Variants in LARP1B observed in about 807,000 individuals in gnomAD.
LARP1B encodes the protein la-related protein 1B.
Under a neutral mutation model 114.2 loss-of-function variants are expected in LARP1B, and 76 were observed. The ratio of observed to expected loss-of-function variants is 0.67; its 90% CI spans 0.55 to 0.81. The LOEUF (loss-of-function observed/expected upper bound fraction) is 0.81, where lower values mean the gene tolerates loss of function less well. Among genes scored for constraint, LARP1B ranks in the 30% least tolerant of loss-of-function variants. LARP1B has a pLI of 0.00. For missense variants in LARP1B, 1,014 were observed against 1,075.8 expected, an observed-to-expected ratio of 0.94 and a Z score of 0.80; for synonymous variants, 345 against 348.0, an observed-to-expected ratio of 0.99 and a Z score of 0.10.
At chr4:128,129,368 A>G (rs1275330894) in intron 11 of LARP1B, among the ~76,000 whole-genome samples, 1 of 142,358 alleles carries the variant, frequency 7.0e-6, no homozygotes, top group East Asian at 2.0e-4. Context: ...AAAAAAAGGA[A>G]TAAGTAAATA....
chr4:128,213,733 CTTT>C (rs1465973085), downstream of LARP1B, among the ~76,000 whole-genome samples: 2 of 152,166 alleles, frequency 1.3e-5, no homozygotes, highest in Admixed American at 6.5e-5. Flanking sequence ...CCTCCTCCTC[CTTT>C]TAAGAGATTA....
chr4:128,166,835 G>A (rs1161477509), intron 12 of LARP1B, among the ~76,000 whole-genome samples: 1 of 149,308 alleles, frequency 6.7e-6, no homozygotes, highest in African/African-American at 2.5e-5. Context: ...TTCTTTCTGT[G>A]TCTGGCTTAT....
intron 11 of LARP1B, among the ~76,000 whole-genome samples, chr4:128,159,148 G>A (rs927639159): frequency 1.1e-4 from 16 of 151,136 alleles, no homozygotes; most frequent in African/African-American, 3.9e-4. Flanking sequence ...GTTCCAGTCT[G>A]GGCAACAGAG....
intron 11 of LARP1B, among the ~76,000 whole-genome samples, chr4:128,127,670 C>T (rs1373753523): frequency 6.6e-6 from 1 of 152,098 alleles, no homozygotes; most frequent in Non-Finnish European, 1.5e-5. Context: ...CCTGTCTCTA[C>T]TAAAAATACA....
intron 8 of LARP1B, among the ~76,000 whole-genome samples, chr4:128,099,025 C>T (rs774604823): frequency 2.7e-4 from 41 of 150,866 alleles, no homozygotes; most frequent in Non-Finnish European, 3.8e-4. Context: ...ATCCGCCCAC[C>T]TTCGCCTCCC....
intron 10 of LARP1B, among the ~76,000 whole-genome samples, chr4:128,120,045 A>AT (rs1304041312): frequency 6.6e-6 from 1 of 152,222 alleles, no homozygotes; most frequent in Non-Finnish European, 1.5e-5. Flanking sequence ...TTTAAAAAAT[A>AT]TATATTCACA....
chr4:128,098,768 T>TG (rs58280279), intron 8 of LARP1B, among the ~76,000 whole-genome samples: 2 of 18,900 alleles, frequency 1.1e-4, no homozygotes, highest in African/African-American at 4.3e-4. Flanking sequence ...TATATATATA[T>TG]TTTTTTTTTT....
At chr4:128,063,949 G>C (rs112694261) in intron 1 of LARP1B, among the ~76,000 whole-genome samples, 4,180 of 152,080 alleles carry the variant, frequency 0.027, 180 homozygotes, top group African/African-American at 0.096. Context: ...GGCTTGTGAG[G>C]ATCAAATGCG....
intron 11 of LARP1B, among the ~76,000 whole-genome samples, chr4:128,143,800 T>G (rs931267667): frequency 6.6e-6 from 1 of 151,678 alleles, no homozygotes; most frequent in African/African-American, 2.4e-5. Flanking sequence ...GCACAGGGTG[T>G]GTGTGTGTGT....
chr4:128,125,236 A>G (rs942760277), intron 11 of LARP1B, among the ~76,000 whole-genome samples: 9 of 152,224 alleles, frequency 5.9e-5, no homozygotes, highest in African/African-American at 2.2e-4. Flanking sequence ...CTCAGGGACC[A>G]TTCAAAACTG....
intron 1 of LARP1B, among the ~76,000 whole-genome samples, chr4:128,063,939 G>A (rs1001389978): frequency 6.6e-6 from 1 of 151,992 alleles, no homozygotes; most frequent in African/African-American, 2.4e-5. Flanking sequence ...CGTGTTTACT[G>A]GCTTGTGAGG....
chr4:128,119,366 C>T (rs1393569683), intron 10 of LARP1B, among the ~76,000 whole-genome samples: 2 of 152,192 alleles, frequency 1.3e-5, no homozygotes, highest in African/African-American at 4.8e-5. Flanking sequence ...TTCCTCCCCC[C>T]AGCTCTATTT....
intron 8 of LARP1B, among the ~76,000 whole-genome samples, chr4:128,106,093 G>A (rs1013392314): frequency 7.9e-5 from 12 of 151,046 alleles, no homozygotes; most frequent in African/African-American, 2.7e-4. Flanking sequence ...GCGCCATCTC[G>A]GCTCACTGCA....
At chr4:128,090,948 T>A in intron 5 of LARP1B, 53 bp from the exon 6 acceptor site, 1 of 1,347,632 alleles carries the variant, frequency 7.4e-7, no homozygotes, top group Non-Finnish European at 1.0e-6. Flanking sequence ...AAGACAATCA[T>A]GTTATTTTAC....
At chr4:128,152,812 T>C (rs1356073127) in intron 11 of LARP1B, among the ~76,000 whole-genome samples, 2 of 152,054 alleles carry the variant, frequency 1.3e-5, no homozygotes, top group African/African-American at 4.8e-5. Context: ...TGGTTCCTGC[T>C]TATAACCAGC....
At chr4:128,067,967 G>T (rs1381712988) in intron 1 of LARP1B, among the ~76,000 whole-genome samples, 2 of 151,318 alleles carry the variant, frequency 1.3e-5, no homozygotes, top group Non-Finnish European at 2.9e-5. Flanking sequence ...TGCAAGCTCC[G>T]CCTCCCGGGT....
At chr4:128,115,992 G>A (rs891321967) in intron 10 of LARP1B, among the ~76,000 whole-genome samples, 1 of 152,182 alleles carries the variant, frequency 6.6e-6, no homozygotes, top group Admixed American at 6.5e-5. Context: ...TTACACTCAT[G>A]TTAATTATTT....
At chr4:128,118,713 C>T (rs1367212311) in intron 10 of LARP1B, among the ~76,000 whole-genome samples, 1 of 151,904 alleles carries the variant, frequency 6.6e-6, no homozygotes, top group Non-Finnish European at 1.5e-5. Flanking sequence ...CTGATATTTT[C>T]ATTATTTCCA....
rs1458688804 is a variant in LARP1B, at chr4:128,091,505, C to T, written c.661C>T (p.Arg221Cys). 9.4e-6 allele frequency: 15 copies of T among 1,598,030 alleles called. No individual in the cohort carries two copies. Among genetic ancestry groups the T allele is most frequent in the Admixed American group, 1.8e-5 (1 of 57,076 alleles). ...EEALLKEYIK[R>C]QIEYYFSVEN... is the part of the protein sequence containing the mutation. ...AGCATTGCTTAAAGAGTATATTAAGCGTCAAATGTAAGTGGATGTTTGATG... is the reference window on the plus strand; with the variant it reads ...AGCATTGCTTAAAGAGTATATTAAGTGTCAAATGTAAGTGGATGTTTGATG... The change falls in exon 7 of 20, where the codon CGT (arginine) becomes TGT (cysteine). Residue 221 changes from arginine to cysteine, a missense_variant. Arg to Cys is a radical substitution (Grantham distance 180). Coordinates refer to ENST00000326639, the MANE Select transcript of LARP1B (RefSeq NM_018078.4).
Sources: allele counts gnomAD v4.1 joint callset (sites outside exome capture counted in the v4.1 genomes callset), GRCh38; gene constraint gnomAD v4.1.1; transcripts MANE v1.5; gene names NCBI Gene and HGNC (gene_info 2026-07-23, HGNC 2026-07-21).